The following FSTL4 variants were observed in gnomAD, a reference collection of about 807,000 sequenced individuals.
The protein encoded by FSTL4 is follistatin-related protein 4.
FSTL4 carries 28 observed loss-of-function variants against 78.2 expected under a neutral mutation model. The observed-to-expected ratio is 0.36, with a 90% CI of 0.27 to 0.49. The LOEUF (loss-of-function observed/expected upper bound fraction) is 0.49. Ranked by LOEUF, FSTL4 falls within the 20% of genes least tolerant of loss-of-function variation. The pLI is 0.98. For missense variants in FSTL4, 922 were observed against 1,084.9 expected (o/e 0.85, Z 2.11); for synonymous variants, 422 against 440.5 (o/e 0.96, Z 0.53).
chr5:133,638,425 C>T, the FSTL4 span, among the ~76,000 whole-genome samples: 8 of 152,186 alleles, frequency 5.3e-5, no homozygotes, highest in South Asian at 2.1e-4. Context: ...CCCCATGCAA[C>T]GAGGCCCCTG....
the FSTL4 span, among the ~76,000 whole-genome samples, chr5:133,688,117 G>C: frequency 2.0e-5 from 3 of 152,324 alleles, no homozygotes; most frequent in South Asian, 6.2e-4. Context: ...ACTAAAAATT[G>C]GTGGTTCTAG....
Position 133,225,308 on chromosome 5 carries a change from G to A in FSTL4, c.1178-24C>T. 2.5e-6 allele frequency: 4 copies of A among 1,614,090 alleles called. No homozygotes were observed. Among genetic ancestry groups the A allele is most frequent in the Non-Finnish European group, 2.5e-6 (3 of 1,179,974 alleles). On this transcript the variant is annotated intron_variant, in intron 9 of 15. Coordinates refer to ENST00000265342, the MANE Select transcript of FSTL4 (RefSeq NM_015082.2). This position sits in a 1 kb window ranked among gnomAD's most constrained non-coding sequence, Gnocchi z 4.6. ...GGCTGCAGACAGGACAGTGCTCAGG[G>A]TGGACTGCTCAGCTGGAGACCCACT...
chr5:133,814,519 C>A, the FSTL4 span, among the ~76,000 whole-genome samples: 1 of 152,170 alleles, frequency 6.6e-6, no homozygotes, highest in Non-Finnish European at 1.5e-5. Flanking sequence ...GAGAAAAACA[C>A]AAGGGATGGC....
At chr5:133,665,334 G>A in the FSTL4 span, among the ~76,000 whole-genome samples, 6 of 152,202 alleles carry the variant, frequency 3.9e-5, no homozygotes, top group Non-Finnish European at 8.8e-5. Context: ...AATCAATTCG[G>A]TCCTCTTCCA....
chr5:133,825,056 G>A, the FSTL4 span, among the ~76,000 whole-genome samples: 1 of 152,172 alleles, frequency 6.6e-6, no homozygotes, highest in Admixed American at 6.5e-5. Context: ...GAGATGAAGA[G>A]GCTCAGTGGC....
chr5:133,724,595 T>A, the FSTL4 span, among the ~76,000 whole-genome samples: 1 of 152,204 alleles, frequency 6.6e-6, no homozygotes, highest in African/African-American at 2.4e-5. Context: ...AGTTATTGAG[T>A]TCTGAATATT....
intron 11 of FSTL4, among the ~76,000 whole-genome samples, chr5:133,223,336 C>T (rs1320234194): frequency 1.3e-5 from 2 of 152,196 alleles, no homozygotes; most frequent in Non-Finnish European, 2.9e-5. Flanking sequence ...TGTCTGCATG[C>T]ATATGCCAGA....
At chr5:133,668,566 G>A in the FSTL4 span, among the ~76,000 whole-genome samples, 43 of 152,316 alleles carry the variant, frequency 2.8e-4, 1 homozygote, top group African/African-American at 8.7e-4. Context: ...AAAACATGCA[G>A]GAAGGGCTGC....
At chr5:133,411,559 A>T (rs1756478555) in intron 3 of FSTL4, among the ~76,000 whole-genome samples, 1 of 152,236 alleles carries the variant, frequency 6.6e-6, no homozygotes, top group Non-Finnish European at 1.5e-5. Context: ...AAATAAAGAA[A>T]GTCTTAAAAT....
At chr5:133,618,599 T>C in the FSTL4 span, among the ~76,000 whole-genome samples, 1 of 152,262 alleles carries the variant, frequency 6.6e-6, no homozygotes, top group African/African-American at 2.4e-5. Context: ...TTGCTAACTA[T>C]GCCTTGGACA....
intron 3 of FSTL4, among the ~76,000 whole-genome samples, chr5:133,523,943 C>T (rs1759035805): frequency 6.6e-6 from 1 of 152,198 alleles, no homozygotes; most frequent in South Asian, 2.1e-4. Flanking sequence ...TGTGAAGAAG[C>T]TAAAACAAAG....
chr5:133,819,583 G>A, the FSTL4 span, among the ~76,000 whole-genome samples: 2 of 152,196 alleles, frequency 1.3e-5, no homozygotes, highest in Non-Finnish European at 2.9e-5. Flanking sequence ...TAAACTCATA[G>A]CACCGTTGGA....
the FSTL4 span, among the ~76,000 whole-genome samples, chr5:133,639,463 G>A: frequency 6.6e-6 from 1 of 152,182 alleles, no homozygotes; most frequent in Non-Finnish European, 1.5e-5. Context: ...AGCTTGGTGA[G>A]ACACAGGATT....
intron 7 of FSTL4, among the ~76,000 whole-genome samples, chr5:133,238,325 G>A (rs1013894616): frequency 3.3e-5 from 5 of 152,184 alleles, no homozygotes; most frequent in African/African-American, 1.2e-4. Flanking sequence ...TTTGTGGGAG[G>A]AGGGAGCAAA....
At chr5:133,329,323 C>T (rs1444129959) in intron 4 of FSTL4, among the ~76,000 whole-genome samples, 1 of 152,100 alleles carries the variant, frequency 6.6e-6, no homozygotes, top group Non-Finnish European at 1.5e-5. Flanking sequence ...ACGGTACCAT[C>T]CTGCACAAAA....
chr5:133,423,370 C>A (rs1561711440), intron 3 of FSTL4, among the ~76,000 whole-genome samples: 1 of 152,216 alleles, frequency 6.6e-6, no homozygotes, highest in Admixed American at 6.5e-5. Context: ...GGAGAAGGCC[C>A]ATCCTCCCTC....
chr5:133,230,841 T>A (rs1028713586), intron 8 of FSTL4, among the ~76,000 whole-genome samples: 11 of 152,204 alleles, frequency 7.2e-5, no homozygotes, highest in Admixed American at 4.6e-4. Flanking sequence ...TCATGTTCTG[T>A]CATTAGCAAC....
chr5:133,576,541 A>T (rs1760284689), intron 2 of FSTL4, among the ~76,000 whole-genome samples: 1 of 152,190 alleles, frequency 6.6e-6, no homozygotes, highest in South Asian at 2.1e-4. Context: ...ACGTGGCCAG[A>T]TCTTCATAGA....
the FSTL4 span, among the ~76,000 whole-genome samples, chr5:133,751,833 A>G: frequency 7.2e-5 from 11 of 152,212 alleles, no homozygotes; most frequent in Non-Finnish European, 1.0e-4. Flanking sequence ...GCACAGACCA[A>G]CTGTTTCTGA....
Sources: allele counts gnomAD v4.1 joint callset (sites outside exome capture counted in the v4.1 genomes callset), GRCh38; gene constraint gnomAD v4.1.1; non-coding constraint Gnocchi (gnomAD v3.1); transcripts MANE v1.5; gene names NCBI Gene and HGNC (gene_info 2026-07-23, HGNC 2026-07-21).